The following KHDRBS2 variants were observed in gnomAD, a reference collection of about 807,000 sequenced individuals.
The protein encoded by KHDRBS2 is KH domain-containing, RNA-binding, signal transduction-associated protein 2.
KHDRBS2 carries 26 observed loss-of-function variants against 44.3 expected under a neutral mutation model. The ratio of observed to expected loss-of-function variants is 0.59; its 90% CI spans 0.43 to 0.81. The LOEUF is 0.81. KHDRBS2 is among the 40% of genes least tolerant of loss of function. The pLI is 0.00. For missense variants in KHDRBS2, 476 were observed against 433.1 expected, an observed-to-expected ratio of 1.10 and a Z score of -0.88; for synonymous variants, 194 against 151.1, an observed-to-expected ratio of 1.28 and a Z score of -2.08.
chr6:61,987,345 T>C (rs568831753), intron 3 of KHDRBS2, among the ~76,000 whole-genome samples: 1 of 152,208 alleles, frequency 6.6e-6, no homozygotes, highest in Non-Finnish European at 1.5e-5. Context: ...GGAGTAGCTC[T>C]TCCAATGACA....
intron 2 of KHDRBS2, among the ~76,000 whole-genome samples, chr6:62,161,243 G>A (rs892008793): frequency 4.6e-5 from 7 of 151,526 alleles, no homozygotes; most frequent in Non-Finnish European, 8.8e-5. Context: ...TCTGTCAATC[G>A]CTTTTGATTG....
At chr6:62,064,819 G>A (rs1160984115) in intron 2 of KHDRBS2, among the ~76,000 whole-genome samples, 1 of 151,502 alleles carries the variant, frequency 6.6e-6, no homozygotes, top group South Asian at 2.1e-4. Context: ...CACAGCAAAA[G>A]AAACTACCAT....
At chr6:61,688,124 G>C (rs888870250) in intron 8 of KHDRBS2, among the ~76,000 whole-genome samples, 1 of 151,816 alleles carries the variant, frequency 6.6e-6, no homozygotes, top group African/African-American at 2.4e-5. Context: ...TGACTCTGCT[G>C]TATAGTATCC....
In KHDRBS2 at chr6:62,184,363, G is replaced by A. The variant is rs145480807; in HGVS notation, c.92-7051C>T. Reference sequence around the variant, plus strand: ...TTTCAAATTTCAGTATCAAAAAATGGGTGAAGAAACATCAATGGAACTTTG... The same window carrying A: ...TTTCAAATTTCAGTATCAAAAAATGAGTGAAGAAACATCAATGGAACTTTG... On this transcript the variant is annotated intron_variant, in intron 1 of 8. Coordinates refer to ENST00000281156, the MANE Select transcript of KHDRBS2 (RefSeq NM_152688.4). Among the ~76,000 whole-genome samples the A allele has an allele frequency of 9.2e-5, 14 of 151,712 alleles. No individual in the cohort carries two copies. In the East Asian group the frequency reaches 1.7e-3, roughly 19 times the overall value.
chr6:61,668,751 C>A, the KHDRBS2 span, among the ~76,000 whole-genome samples: 1 of 150,942 alleles, frequency 6.6e-6, no homozygotes, highest in Non-Finnish European at 1.5e-5. Context: ...CTTTCCAAAT[C>A]TTTTTCCTTG....
At chr6:62,181,706 A>G (rs1334415671) in intron 1 of KHDRBS2, among the ~76,000 whole-genome samples, 1 of 151,972 alleles carries the variant, frequency 6.6e-6, no homozygotes, top group Non-Finnish European at 1.5e-5. Flanking sequence ...CCAAATTCAT[A>G]TGTTCAAATC....
At chr6:61,690,943 C>T (rs1767336494) in intron 8 of KHDRBS2, among the ~76,000 whole-genome samples, 1 of 152,038 alleles carries the variant, frequency 6.6e-6, no homozygotes, top group Non-Finnish European at 1.5e-5. Flanking sequence ...AATGTGCCCC[C>T]ATGCATGTGG....
chr6:61,886,373 G>T (rs1380572341), intron 6 of KHDRBS2, among the ~76,000 whole-genome samples: 1 of 151,904 alleles, frequency 6.6e-6, no homozygotes, highest in African/African-American at 2.4e-5. Flanking sequence ...CTTCTGCATG[G>T]AGTTTTCTCC....
intron 2 of KHDRBS2, among the ~76,000 whole-genome samples, chr6:62,090,060 T>A (rs1485269893): frequency 2.0e-5 from 3 of 152,220 alleles, no homozygotes; most frequent in Admixed American, 1.3e-4. Context: ...TTAGTAAATG[T>A]GTGGAAGTTG....
chr6:61,615,182 G>A, the KHDRBS2 span, among the ~76,000 whole-genome samples: 3 of 118,648 alleles, frequency 2.5e-5, no homozygotes, highest in African/African-American at 6.5e-5. Flanking sequence ...GCAGTGAGCC[G>A]AGATCACACC....
intron 3 of KHDRBS2, among the ~76,000 whole-genome samples, chr6:62,018,000 T>C (rs1297224064): frequency 6.6e-6 from 1 of 151,832 alleles, no homozygotes; most frequent in Non-Finnish European, 1.5e-5. Flanking sequence ...CCATTAGAAC[T>C]TATTAGGATT....
intron 3 of KHDRBS2, among the ~76,000 whole-genome samples, chr6:62,047,653 G>T (rs923618927): frequency 4.6e-5 from 7 of 151,704 alleles, no homozygotes; most frequent in Non-Finnish European, 8.8e-5. Context: ...AAGGACTAAA[G>T]AAAATGAAAA....
chr6:61,858,102 G>C (rs1314705710), intron 6 of KHDRBS2, among the ~76,000 whole-genome samples: 1 of 151,812 alleles, frequency 6.6e-6, no homozygotes, highest in Non-Finnish European at 1.5e-5. Flanking sequence ...GTGTCAAGCA[G>C]CTTGACTTAT....
chr6:61,901,503 G>A, intron 4 of KHDRBS2, 132 bp from the exon 5 acceptor site: 1 of 656,334 alleles, frequency 1.5e-6, no homozygotes, highest in Non-Finnish European at 2.5e-6. Flanking sequence ...AACTTTATAT[G>A]CAAAAATATA....
At chr6:62,193,617 G>C (rs1438386503) in intron 1 of KHDRBS2, among the ~76,000 whole-genome samples, 1 of 151,942 alleles carries the variant, frequency 6.6e-6, no homozygotes, top group Non-Finnish European at 1.5e-5. Flanking sequence ...CATTATCTTG[G>C]GTAGATTCCT....
intron 6 of KHDRBS2, among the ~76,000 whole-genome samples, chr6:61,851,785 T>C (rs377002228): frequency 6.6e-6 from 1 of 152,202 alleles, no homozygotes; most frequent in South Asian, 2.1e-4. Flanking sequence ...AAAAAGATAT[T>C]CAATATGTTT....
chr6:61,786,711 CT>C (rs958527459), intron 6 of KHDRBS2, among the ~76,000 whole-genome samples: 3 of 151,830 alleles, frequency 2.0e-5, no homozygotes, highest in Admixed American at 2.0e-4. Flanking sequence ...TTAAACTCTG[CT>C]TTTATGAGTA....
intron 4 of KHDRBS2, among the ~76,000 whole-genome samples, chr6:61,969,790 T>A (rs1469463020): frequency 6.6e-6 from 1 of 152,000 alleles, no homozygotes; most frequent in African/African-American, 2.4e-5. Context: ...GGTGAAATTA[T>A]TATATGAATT....
chr6:61,544,300 A>G, the KHDRBS2 span, among the ~76,000 whole-genome samples: 1 of 152,084 alleles, frequency 6.6e-6, no homozygotes, highest in Non-Finnish European at 1.5e-5. Flanking sequence ...ATTAACTAGT[A>G]GCTTCAAATT....
Sources: allele counts gnomAD v4.1 joint callset (sites outside exome capture counted in the v4.1 genomes callset), GRCh38; gene constraint gnomAD v4.1.1; transcripts MANE v1.5; gene names NCBI Gene and HGNC (gene_info 2026-07-23, HGNC 2026-07-21).